SGCZ: variants seen among roughly 807,000 people sequenced by gnomAD.
The protein encoded by SGCZ is sarcoglycan zeta, also known as zeta-sarcoglycan.
In SGCZ, 40 loss-of-function variants were observed where a neutral mutation model predicts 41.3. The observed-to-expected ratio is 0.97, with a 90% CI of 0.75 to 1.26. SGCZ has a LOEUF of 1.26. Ranked by LOEUF, SGCZ falls within the 50% of genes most tolerant of loss-of-function variation. SGCZ has a pLI of 0.00. For synonymous variants in SGCZ, 206 were observed against 137.5 expected (o/e 1.50, Z -3.49); for missense variants, 552 against 369.8 (o/e 1.49, Z -4.04).
intron 3 of SGCZ, among the ~76,000 whole-genome samples, chr8:14,257,483 T>C (rs924798949): frequency 1.7e-5 from 2 of 116,684 alleles, no homozygotes; most frequent in Non-Finnish European, 4.1e-5. Context: ...TTTTAACGTA[T>C]GACAATTTTT....
intron 1 of SGCZ, among the ~76,000 whole-genome samples, chr8:15,049,901 T>C (rs942385619): frequency 2.0e-5 from 3 of 152,172 alleles, no homozygotes; most frequent in African/African-American, 7.2e-5. Context: ...ACTTTGCTCC[T>C]CCTTCACTTT....
intron 1 of SGCZ, among the ~76,000 whole-genome samples, chr8:14,922,750 T>C (rs1799629275): frequency 6.6e-6 from 1 of 152,120 alleles, no homozygotes. Flanking sequence ...TTGCATACAT[T>C]CAAGATAAAA....
At chr8:15,138,512 G>A (rs927601923) in intron 1 of SGCZ, among the ~76,000 whole-genome samples, 7 of 152,080 alleles carry the variant, frequency 4.6e-5, no homozygotes, top group Non-Finnish European at 7.4e-5. Flanking sequence ...CGGGTCATGG[G>A]AGGGACCAGT....
chr8:14,546,799 A>T (rs1029518277), intron 2 of SGCZ, among the ~76,000 whole-genome samples: 2 of 152,198 alleles, frequency 1.3e-5, no homozygotes, highest in South Asian at 4.1e-4. Flanking sequence ...ATTTTTAAAA[A>T]GAATTTAAAT....
intron 6 of SGCZ, among the ~76,000 whole-genome samples, chr8:14,106,147 T>C (rs1802195491): frequency 6.6e-6 from 1 of 152,206 alleles, no homozygotes; most frequent in Non-Finnish European, 1.5e-5. Context: ...CATTAACAAA[T>C]ACTTATTGCA....
intron 5 of SGCZ, among the ~76,000 whole-genome samples, chr8:14,144,599 G>A (rs1424612712): frequency 6.6e-6 from 1 of 152,152 alleles, no homozygotes; most frequent in African/African-American, 2.4e-5. Context: ...AAAAGCAGAG[G>A]GAAAAGTAAA....
At chr8:14,754,062 C>T (rs1040049724) in intron 1 of SGCZ, among the ~76,000 whole-genome samples, 1 of 152,122 alleles carries the variant, frequency 6.6e-6, no homozygotes, top group South Asian at 2.1e-4. Flanking sequence ...TTAATAAGCC[C>T]ATGTCAACAG....
chr8:14,236,366 G>C (rs1806761262), intron 4 of SGCZ, among the ~76,000 whole-genome samples: 1 of 151,906 alleles, frequency 6.6e-6, no homozygotes, highest in African/African-American at 2.4e-5. Flanking sequence ...GTAAAGCAAA[G>C]CAATTTTTAC....
chr8:14,089,711 A>G lies in SGCZ; in HGVS notation c.*732T>C, dbSNP rs1032034518. 3.3e-5 allele frequency among the ~76,000 whole-genome samples: 5 copies of G among 152,058 alleles called. No individual in the cohort carries two copies. Among genetic ancestry groups the G allele is most frequent in the African/African-American group, 1.2e-4 (5 of 41,436 alleles). On this transcript the variant is annotated 3_prime_UTR_variant, in exon 8 of 8. Transcript: ENST00000382080. The stretch of plus-strand genomic sequence containing the variant: ...AGCCATGTAAATACTATATAAGGCC[A>G]TCCAGATCTGACCAATGACATTATA...
intron 4 of SGCZ, among the ~76,000 whole-genome samples, chr8:14,218,223 T>C (rs1384795504): frequency 1.3e-5 from 2 of 152,140 alleles, no homozygotes; most frequent in Admixed American, 6.6e-5. Flanking sequence ...AACATACAAA[T>C]TATTAAAATG....
chr8:14,367,249 A>C (rs1268183074), intron 2 of SGCZ, among the ~76,000 whole-genome samples: 1 of 152,026 alleles, frequency 6.6e-6, no homozygotes, highest in African/African-American at 2.4e-5. Context: ...ACTTGAGACT[A>C]CCTCAGCCTG....
chr8:14,535,558 G>T (rs894568793), intron 2 of SGCZ, among the ~76,000 whole-genome samples: 1 of 151,846 alleles, frequency 6.6e-6, no homozygotes, highest in Non-Finnish European at 1.5e-5. Flanking sequence ...AAATGTGTAG[G>T]AAACAAATCC....
intron 1 of SGCZ, among the ~76,000 whole-genome samples, chr8:15,191,977 G>A (rs1800555143): frequency 6.6e-6 from 1 of 152,028 alleles, no homozygotes; most frequent in South Asian, 2.1e-4. Flanking sequence ...TTTCTCACCT[G>A]TAAAAATTGC....
chr8:14,424,178 G>A (rs1000644671), intron 2 of SGCZ, among the ~76,000 whole-genome samples: 1 of 152,140 alleles, frequency 6.6e-6, no homozygotes, highest in Admixed American at 6.5e-5. Flanking sequence ...AGAAAAATAA[G>A]CTGTGAAGTG....
At chr8:14,958,066 T>C (rs1343204386) in intron 1 of SGCZ, among the ~76,000 whole-genome samples, 1 of 152,104 alleles carries the variant, frequency 6.6e-6, no homozygotes, top group Non-Finnish European at 1.5e-5. Context: ...TATTTTAGCA[T>C]TTTACTCATG....
chr8:15,231,582 A>G (rs980585460), intron 1 of SGCZ, among the ~76,000 whole-genome samples: 8 of 151,738 alleles, frequency 5.3e-5, no homozygotes, highest in Non-Finnish European at 7.4e-5. Context: ...ACTTTGAGTA[A>G]AATAAAAACT....
Position 15,237,855 on chromosome 8 carries a change from A to T in SGCZ, c.-232T>A, listed in dbSNP as rs1488937229. 1 of 523,464 alleles carries T rather than the reference A, an allele frequency of 1.9e-6. No homozygotes were observed. The highest frequency in any genetic ancestry group is 1.9e-5 in the African/African-American group (1 of 52,306). 32.4% of individuals were successfully genotyped at this position (523,464 alleles called of 1,614,324 possible). A position where few individuals can be genotyped will look rare whatever the true frequency, so the allele number is the denominator to read the frequency against. ...TTCCTCAAAGATTTAGTGACAGGTG[A>T]TCTCTACCGCGGTGCAACACAGCTG... On this transcript the variant is annotated 5_prime_UTR_variant, in exon 1 of 8. Transcript: ENST00000382080.
chr8:14,773,017 T>C (rs988914196), intron 1 of SGCZ, among the ~76,000 whole-genome samples: 1 of 152,176 alleles, frequency 6.6e-6, no homozygotes, highest in Non-Finnish European at 1.5e-5. Flanking sequence ...ACTTCCACAA[T>C]GGTTGAACTA....
chr8:14,643,811 C>T (rs558660726), intron 1 of SGCZ, among the ~76,000 whole-genome samples: 4 of 151,614 alleles, frequency 2.6e-5, no homozygotes, highest in South Asian at 4.1e-4. Flanking sequence ...TGAAGGTTGC[C>T]TCTATCATGA....
Sources: allele counts gnomAD v4.1 joint callset (sites outside exome capture counted in the v4.1 genomes callset), GRCh38; gene constraint gnomAD v4.1.1; transcripts MANE v1.5; gene names NCBI Gene and HGNC (gene_info 2026-07-23, HGNC 2026-07-21).